The following MGAT4C variants were observed in gnomAD, a reference collection of about 807,000 sequenced individuals.
MGAT4C encodes MGAT4 family member C, also known as alpha-1,3-mannosyl-glycoprotein 4-beta-N-acetylglucosaminyltransferase C.
A neutral mutation model predicts 40.1 loss-of-function variants in MGAT4C; 19 were observed. The observed-to-expected ratio is 0.47, with a 90% confidence interval of 0.33 to 0.70. The LOEUF (loss-of-function observed/expected upper bound fraction) is 0.70. MGAT4C is among the 30% of genes least tolerant of loss of function. MGAT4C has a pLI of 0.02. For missense variants in MGAT4C, 491 were observed against 563.2 expected, an observed-to-expected ratio of 0.87 and a Z score of 1.30; for synonymous variants, 181 against 187.1, an observed-to-expected ratio of 0.97 and a Z score of 0.27.
At chr12:86,827,489 G>A (rs1343262227) in intron 1 of MGAT4C, among the ~76,000 whole-genome samples, 3 of 151,422 alleles carry the variant, frequency 2.0e-5, no homozygotes, top group African/African-American at 7.3e-5. Context: ...AAAGGAAAAA[G>A]TCATGAGTAT....
chr12:86,424,211 A>G (rs1381743222), intron 3 of MGAT4C, among the ~76,000 whole-genome samples: 4 of 152,202 alleles, frequency 2.6e-5, no homozygotes, highest in Admixed American at 2.0e-4. Context: ...GCCACCTATT[A>G]ACATCTTTAA....
At chr12:86,488,369 G>A (rs1958065937) in intron 2 of MGAT4C, among the ~76,000 whole-genome samples, 1 of 151,520 alleles carries the variant, frequency 6.6e-6, no homozygotes, top group Non-Finnish European at 1.5e-5. Flanking sequence ...TGAGGCTGCA[G>A]TGAGTGGTGA....
chr12:86,800,976 G>T (rs1463034054), intron 1 of MGAT4C, among the ~76,000 whole-genome samples: 4 of 151,718 alleles, frequency 2.6e-5, no homozygotes, highest in African/African-American at 7.3e-5. Context: ...CATCCTTCAG[G>T]TGATATCTTA....
Position 85,959,838 on chromosome 12 carries a change from G to A in MGAT4C, c.*19451C>T, listed in dbSNP as rs899390932. 1.3e-5 allele frequency: 2 copies of A among 151,156 alleles called. No homozygotes were observed. The highest frequency in any genetic ancestry group is 1.3e-4 in the Admixed American group (2 of 15,106). 9.4% of individuals were successfully genotyped at this position (151,156 alleles called of 1,614,324 possible). A position where few individuals can be genotyped will look rare whatever the true frequency, so the allele number is the denominator to read the frequency against. Reference sequence around the variant, plus strand: ...CTTTATGAAATTACTTTTAGATAAAGTATTGATATTGTCATTTATCAATTT... The same window carrying A: ...CTTTATGAAATTACTTTTAGATAAAATATTGATATTGTCATTTATCAATTT... On this transcript the variant is annotated 3_prime_UTR_variant, in exon 5 of 5. Coordinates refer to ENST00000611864, the MANE Select transcript of MGAT4C (RefSeq NM_001351288.2).
intron 1 of MGAT4C, among the ~76,000 whole-genome samples, chr12:86,766,675 A>G (rs1951515106): frequency 6.6e-6 from 1 of 152,002 alleles, no homozygotes; most frequent in African/African-American, 2.4e-5. Flanking sequence ...TATCTCTCAG[A>G]CCACAGTGCA....
In MGAT4C at chr12:86,282,279, G is replaced by A. The variant is rs188390021; in HGVS notation, c.-57+51786C>T. Among the ~76,000 whole-genome samples, 9 of 151,896 alleles carry A rather than the reference G, an allele frequency of 5.9e-5. No homozygotes were observed. The East Asian group carries it at 1.7e-3, about 29-fold the overall frequency. ...TTTATTTAACACTCTTTTTCTCTAC[G>A]GATTACTTTCAATGATTTACATTTT... On this transcript the variant is annotated intron_variant, in intron 4 of 7. Coordinates refer to the MGAT4C transcript ENST00000548651.
At chr12:86,508,576 T>G (rs1035048022) in intron 2 of MGAT4C, among the ~76,000 whole-genome samples, 8 of 152,134 alleles carry the variant, frequency 5.3e-5, no homozygotes, top group Non-Finnish European at 1.0e-4. Flanking sequence ...ATATACCCAG[T>G]AATGGGATGG....
intron 2 of MGAT4C, among the ~76,000 whole-genome samples, chr12:86,708,129 G>C (rs921977241): frequency 2.0e-5 from 3 of 152,204 alleles, no homozygotes; most frequent in Non-Finnish European, 4.4e-5. Context: ...GGAGGGAAAA[G>C]TGGTTTCATG....
At chr12:86,569,505 G>T (rs1015872062) in intron 2 of MGAT4C, among the ~76,000 whole-genome samples, 12 of 152,052 alleles carry the variant, frequency 7.9e-5, no homozygotes, top group Non-Finnish European at 1.3e-4. Flanking sequence ...AATGGCTGGG[G>T]AATTGTCTTT....
chr12:86,301,790 C>T (rs1953818739), intron 4 of MGAT4C, among the ~76,000 whole-genome samples: 1 of 152,154 alleles, frequency 6.6e-6, no homozygotes, highest in Admixed American at 6.5e-5. Flanking sequence ...CATTTTAATA[C>T]TTCTCAAATC....
intron 2 of MGAT4C, among the ~76,000 whole-genome samples, chr12:86,004,725 A>C (rs959737566): frequency 2.0e-5 from 3 of 152,142 alleles, no homozygotes; most frequent in Admixed American, 6.6e-5. Flanking sequence ...TAAATGTCCT[A>C]TTTTGTGGAT....
intron 1 of MGAT4C, among the ~76,000 whole-genome samples, chr12:86,766,513 C>T (rs1049660305): frequency 6.6e-6 from 1 of 151,998 alleles, no homozygotes; most frequent in East Asian, 1.9e-4. Flanking sequence ...CTGCACCAAG[C>T]AGACCTAATA....
At chr12:86,643,664 G>T (rs1002486431) in intron 2 of MGAT4C, among the ~76,000 whole-genome samples, 1 of 151,804 alleles carries the variant, frequency 6.6e-6, no homozygotes, top group Non-Finnish European at 1.5e-5. Context: ...CAGAAAGTAG[G>T]TTTACAAGGA....
At chr12:86,614,347 G>A (rs1248253459) in intron 2 of MGAT4C, among the ~76,000 whole-genome samples, 1 of 152,178 alleles carries the variant, frequency 6.6e-6, no homozygotes, top group Non-Finnish European at 1.5e-5. Flanking sequence ...CACTTTGAGA[G>A]GTGAAAGCAG....
intron 2 of MGAT4C, among the ~76,000 whole-genome samples, chr12:86,527,381 C>A (rs1051207961): frequency 1.3e-5 from 2 of 152,058 alleles, no homozygotes; most frequent in Non-Finnish European, 2.9e-5. Flanking sequence ...AGTACAACAC[C>A]ATTTTTATTA....
At chr12:86,807,071 T>C (rs146199867) in intron 1 of MGAT4C, among the ~76,000 whole-genome samples, 215 of 152,050 alleles carry the variant, frequency 1.4e-3, no homozygotes, top group African/African-American at 5.0e-3. Flanking sequence ...GTCTTATATA[T>C]GAAACTATAT....
chr12:86,257,077 A>G (rs1952540916), upstream of MGAT4C, among the ~76,000 whole-genome samples: 1 of 152,222 alleles, frequency 6.6e-6, no homozygotes, highest in Non-Finnish European at 1.5e-5. Context: ...TGGTTTTTAC[A>G]AAGAGTAATT....
intron 2 of MGAT4C, among the ~76,000 whole-genome samples, chr12:86,049,122 C>T (rs1892667880): frequency 6.6e-6 from 1 of 151,932 alleles, no homozygotes; most frequent in African/African-American, 2.4e-5. Flanking sequence ...GAGTAAATCT[C>T]ATATAATTAA....
At chr12:86,741,412 TTAAAA>T (rs1565958954) in intron 1 of MGAT4C, among the ~76,000 whole-genome samples, 1 of 151,394 alleles carries the variant, frequency 6.6e-6, no homozygotes, top group Non-Finnish European at 1.5e-5. Context: ...CATATTATTG[TTAAAA>T]TAACACACTG....
Sources: allele counts gnomAD v4.1 joint callset (sites outside exome capture counted in the v4.1 genomes callset), GRCh38; gene constraint gnomAD v4.1.1; transcripts MANE v1.5; gene names NCBI Gene and HGNC (gene_info 2026-07-23, HGNC 2026-07-21).